CRYL1: variants seen among roughly 807,000 people sequenced by gnomAD.
CRYL1 encodes crystallin lambda 1, also known as lambda-crystallin homolog.
A neutral mutation model predicts 36.6 loss-of-function variants in CRYL1; 29 were observed. The ratio of observed to expected loss-of-function variants is 0.79; its 90% CI spans 0.59 to 1.08. CRYL1 has a LOEUF of 1.08. Among genes scored for constraint, CRYL1 ranks in the 50% least tolerant of loss-of-function variants. The pLI is 0.00. For missense variants in CRYL1, 411 were observed against 407.9 expected (o/e 1.01, Z -0.06); for synonymous variants, 152 against 151.5 (o/e 1.00, Z -0.02).
In CRYL1 at chr13:20,525,775, C is replaced by G; in HGVS notation, c.20G>C (p.Gly7Ala). The change falls in exon 1 of 8, where the codon GGC becomes GCC. Residue 7 changes from glycine (G) to alanine (A), a missense_variant. Coordinates refer to ENST00000298248, the MANE Select transcript of CRYL1 (RefSeq NM_015974.3). This position sits in a 1 kb window ranked among gnomAD's most constrained non-coding sequence, Gnocchi z 4.3. ...TTACCTGCCAACGATCACCACGCAG[C>G]CGGCCGCGGAGGACGCCATGGTTGG... MASSAA[G>A]CVVIVGSGVI... The G allele has an allele frequency of 7.7e-7, 1 of 1,293,740 alleles. No individual in the cohort carries two copies. Among genetic ancestry groups the G allele is most frequent in the Non-Finnish European group, 9.8e-7 (1 of 1,019,304 alleles). The allele number at this position is 1,293,740 out of a possible 1,614,324, so 80.1% of individuals were successfully genotyped here.
intron 3 of CRYL1, among the ~76,000 whole-genome samples, chr13:20,453,417 C>T (rs9796162): frequency 1.4e-5 from 2 of 141,174 alleles, no homozygotes; most frequent in Admixed American, 1.4e-4. Context: ...TTGAAATATT[C>T]TAATATATTT....
chr13:20,423,985 G>T (rs2031877607), intron 5 of CRYL1, among the ~76,000 whole-genome samples: 1 of 151,964 alleles, frequency 6.6e-6, no homozygotes, highest in Middle Eastern at 3.2e-3. Flanking sequence ...TGGCCAGACT[G>T]GTCTCGAACT....
At position 20,404,067 on chromosome 13, in the gene CRYL1, G is replaced by A. The variant is rs535410773; in HGVS notation, c.*62C>T. ...CCTATGTCACAGAGGGCTGATTAAG[G>A]GCTTGCAGTGTTCCCAAATAGGGCC... is the stretch of plus-strand genomic sequence containing the variant. On this transcript the variant is annotated 3_prime_UTR_variant, in exon 8 of 8. Transcript: ENST00000298248. 5.1e-6 allele frequency: 6 copies of A among 1,167,570 alleles called. No individual in the cohort carries two copies. The South Asian group carries it at 7.4e-5, about 14-fold the overall frequency. The allele number at this position is 1,167,570 out of a possible 1,614,324, so 72.3% of individuals were successfully genotyped here. A position where few individuals can be genotyped will look rare whatever the true frequency, so the allele number is the denominator to read the frequency against.
chr13:20,439,793 C>T (rs369174605), intron 3 of CRYL1, 39 bp from the exon 4 acceptor site: 9 of 1,571,842 alleles, frequency 5.7e-6, no homozygotes, highest in South Asian at 1.1e-5. Flanking sequence ...CATGACCACT[C>T]GACTCAGGCC....
intron 1 of CRYL1, among the ~76,000 whole-genome samples, chr13:20,517,938 GAAAAA>G (rs67225103): frequency 1.7e-5 from 2 of 116,038 alleles, no homozygotes; most frequent in Non-Finnish European, 3.3e-5. Flanking sequence ...TCTGTCTCAA[GAAAAA>G]AAAAAAAAAA....
At chr13:20,405,733 G>A (rs1017986722) in intron 6 of CRYL1, among the ~76,000 whole-genome samples, 1 of 152,176 alleles carries the variant, frequency 6.6e-6, no homozygotes, top group African/African-American at 2.4e-5. Flanking sequence ...GAGGGCCCTG[G>A]GACTTTGGTG....
At chr13:20,462,001 C>G (rs2032831259) in intron 3 of CRYL1, among the ~76,000 whole-genome samples, 1 of 111,898 alleles carries the variant, frequency 8.9e-6, no homozygotes, top group Non-Finnish European at 1.8e-5. Flanking sequence ...GGGAGGACTG[C>G]CTGGTGGGAG....
intron 3 of CRYL1, among the ~76,000 whole-genome samples, chr13:20,451,328 A>G (rs2137417858): frequency 6.6e-6 from 1 of 152,292 alleles, no homozygotes; most frequent in East Asian, 1.9e-4. Context: ...GCATAGTAAA[A>G]GAAACTATCA....
intron 5 of CRYL1, chr13:20,430,993 G>A (rs1380186007): frequency 4.1e-6 from 4 of 985,270 alleles, no homozygotes; most frequent in Non-Finnish European, 4.8e-6. Flanking sequence ...AAATACAGGA[G>A]CCTTAAGTGG....
At chr13:20,450,786 C>T (rs540779408) in intron 3 of CRYL1, among the ~76,000 whole-genome samples, 1 of 152,226 alleles carries the variant, frequency 6.6e-6, no homozygotes, top group African/African-American at 2.4e-5. Context: ...GCACTATTCA[C>T]AATAGCAAAG....
At chr13:20,498,682 G>A (rs545870853) in intron 2 of CRYL1, among the ~76,000 whole-genome samples, 2 of 152,242 alleles carry the variant, frequency 1.3e-5, no homozygotes, top group African/African-American at 4.8e-5. Flanking sequence ...TTTCATGTAA[G>A]AGATAAGAGA....
At chr13:20,519,575 CA>C (rs1206030619) in intron 1 of CRYL1, among the ~76,000 whole-genome samples, 1 of 128,356 alleles carries the variant, frequency 7.8e-6, no homozygotes, top group African/African-American at 2.7e-5. Context: ...CCAGCCTGGG[CA>C]ACATAGCGAG....
intron 2 of CRYL1, among the ~76,000 whole-genome samples, chr13:20,504,655 T>C (rs957409859): frequency 1.3e-5 from 2 of 152,202 alleles, no homozygotes; most frequent in African/African-American, 4.8e-5. Flanking sequence ...GCACTGGGCA[T>C]ACAATGGTGA....
rs539873152 is a variant in CRYL1, at chr13:20,487,819, A to T, written c.276+1551T>A. 3.0e-4 allele frequency among the ~76,000 whole-genome samples: 45 copies of T among 152,072 alleles called. 1 individual carries two copies. In the South Asian group the frequency reaches 9.1e-3, roughly 31 times the overall value. On this transcript the variant is annotated intron_variant, in intron 3 of 7. Coordinates refer to ENST00000298248, the MANE Select transcript of CRYL1 (RefSeq NM_015974.3). ...ACAAAAAGCAAAAAAAACTTAACTC[A>T]TGCAGTTTACCGTGGCTCACGCCTG...
chr13:20,491,364 A>G (rs9509245), intron 2 of CRYL1, among the ~76,000 whole-genome samples: 48,601 of 152,112 alleles, frequency 0.32, 7,873 homozygotes, highest in Admixed American at 0.39. Context: ...GGACAAACAT[A>G]CTGATCCCTG....
At chr13:20,475,872 C>T (rs946637599) in intron 3 of CRYL1, among the ~76,000 whole-genome samples, 10 of 152,156 alleles carry the variant, frequency 6.6e-5, no homozygotes, top group African/African-American at 2.2e-4. Flanking sequence ...GGACGAGTCC[C>T]GGTGACATAT....
intron 3 of CRYL1, among the ~76,000 whole-genome samples, chr13:20,478,921 ATTT>A (rs34898995): frequency 1.4e-5 from 2 of 145,800 alleles, no homozygotes. Flanking sequence ...AGCCCAGCTA[ATTT>A]TTTTTTTTTT....
intron 3 of CRYL1, among the ~76,000 whole-genome samples, chr13:20,469,049 T>A (rs1182987770): frequency 6.6e-6 from 1 of 152,178 alleles, no homozygotes. Context: ...CTGTTACAAC[T>A]CCATCCACCG....
chr13:20,424,663 G>A (rs1343405867), intron 5 of CRYL1, among the ~76,000 whole-genome samples: 1 of 152,194 alleles, frequency 6.6e-6, no homozygotes, highest in Non-Finnish European at 1.5e-5. Flanking sequence ...ACCGGTCACA[G>A]AAGAAGCCTG....
Sources: gnomAD v4.1 joint callset for allele counts (sites outside exome capture counted in the v4.1 genomes callset) on GRCh38, gnomAD v4.1.1 for gene constraint, Gnocchi (gnomAD v3.1) non-coding constraint, MANE v1.5 for transcripts, NCBI Gene and HGNC (gene_info 2026-07-23, HGNC 2026-07-21) for gene names.